Variants in SLIT2 observed in about 807,000 individuals in gnomAD.
SLIT2 encodes the protein slit guidance ligand 2, also known as slit homolog 2 protein.
Under a neutral mutation model 185.7 loss-of-function variants are expected in SLIT2, and 41 were observed. That is an observed-to-expected ratio of 0.22 (90% confidence interval 0.17 to 0.29). The LOEUF (loss-of-function observed/expected upper bound fraction) is 0.29. Among genes scored for constraint, SLIT2 ranks in the 10% least tolerant of loss-of-function variants. The pLI is 1.00. For missense variants in SLIT2, 1,571 were observed against 1,909.0 expected (o/e 0.82, Z 3.30); for synonymous variants, 693 against 680.2 (o/e 1.02, Z -0.29).
At chr4:20,504,635 T>C (rs1248868823) in intron 9 of SLIT2, among the ~76,000 whole-genome samples, 2 of 152,126 alleles carry the variant, frequency 1.3e-5, no homozygotes, top group Non-Finnish European at 2.9e-5. Flanking sequence ...ACTGCTAATT[T>C]GTTTAAAAAC....
At chr4:20,337,634 A>C (rs1325027862) in intron 4 of SLIT2, among the ~76,000 whole-genome samples, 1 of 152,162 alleles carries the variant, frequency 6.6e-6, no homozygotes, top group Admixed American at 6.5e-5. Context: ...CTTGACATTT[A>C]ATTCAATTGT....
chr4:20,585,726 T>C (rs1438767399), intron 29 of SLIT2, among the ~76,000 whole-genome samples: 1 of 152,216 alleles, frequency 6.6e-6, no homozygotes, highest in Non-Finnish European at 1.5e-5. Context: ...TTCCTTTCTG[T>C]CACCTCACAC....
intron 4 of SLIT2, among the ~76,000 whole-genome samples, chr4:20,291,543 T>C (rs1715948797): frequency 7.2e-6 from 1 of 138,388 alleles, no homozygotes; most frequent in Non-Finnish European, 1.5e-5. Flanking sequence ...CTATGTGTAA[T>C]TGCATGGTCC....
At chr4:20,382,797 G>A (rs1724635547) in intron 4 of SLIT2, among the ~76,000 whole-genome samples, 2 of 152,036 alleles carry the variant, frequency 1.3e-5, no homozygotes, top group African/African-American at 2.4e-5. Flanking sequence ...GACAAACTAA[G>A]TATAAAATTG....
chr4:20,515,857 C>G (rs1300097684), intron 11 of SLIT2, among the ~76,000 whole-genome samples: 1 of 152,098 alleles, frequency 6.6e-6, no homozygotes, highest in African/African-American at 2.4e-5. Context: ...GCACTGTCAC[C>G]GAGGCTGGAG....
At chr4:20,617,316 C>T in intron 35 of SLIT2, 118 bp downstream of exon 35, 1 of 1,289,984 alleles carries the variant, frequency 7.8e-7, no homozygotes, top group Non-Finnish European at 1.1e-6. Context: ...AGGGGAGGTT[C>T]GTTAGGCATT....
intron 32 of SLIT2, 23 bp downstream of exon 32, chr4:20,596,678 G>A: frequency 1.3e-6 from 2 of 1,597,190 alleles, no homozygotes; most frequent in East Asian, 4.5e-5. Flanking sequence ...TCTCTATGGA[G>A]AGATGATCGG....
chr4:20,307,007 C>T (rs1717607802), intron 4 of SLIT2, among the ~76,000 whole-genome samples: 1 of 151,974 alleles, frequency 6.6e-6, no homozygotes, highest in Admixed American at 6.5e-5. Context: ...ACAGCATCTA[C>T]TACAGTTTCT....
intron 4 of SLIT2, among the ~76,000 whole-genome samples, chr4:20,352,264 C>T (rs1473221785): frequency 6.6e-6 from 1 of 151,990 alleles, no homozygotes; most frequent in Non-Finnish European, 1.5e-5. Context: ...ACCTGTCACT[C>T]CTGCTGATTG....
rs556777522 is a variant in SLIT2 at position 20,527,379 on chromosome 4, G to C, written c.1463-1570G>C. Among the ~76,000 whole-genome samples, 8 of 151,996 alleles carry C rather than the reference G, an allele frequency of 5.3e-5. No homozygotes were observed. The East Asian group carries it at 1.6e-3, about 30-fold the overall frequency. On this transcript the variant is annotated intron_variant, in intron 15 of 36. Coordinates refer to ENST00000504154, the MANE Select transcript of SLIT2 (RefSeq NM_004787.4). Reference sequence around the variant, plus strand: ...CGGCTCACTGCAAGTTCCGCCTCCCGAGTTCATGCCATTCTCCTGCCTCAG... The same window carrying C: ...CGGCTCACTGCAAGTTCCGCCTCCCCAGTTCATGCCATTCTCCTGCCTCAG...
In SLIT2 at chr4:20,484,684, G is replaced by T. The variant is rs968178559; in HGVS notation, c.540-1516G>T. 6.6e-6 allele frequency among the ~76,000 whole-genome samples: 1 copy of T among 152,068 alleles called. No homozygotes were observed. Among genetic ancestry groups the T allele is most frequent in the African/African-American group, 2.4e-5 (1 of 41,414 alleles). The stretch of plus-strand genomic sequence containing the variant: ...ATTTTGTGTAGCTCAAACATAAGCG[G>T]TCTACAGACTGTTTGAAATGTTTTA... On this transcript the variant is annotated intron_variant, in intron 6 of 36. Transcript: ENST00000504154. This position sits in a 1 kb window ranked among gnomAD's most constrained non-coding sequence, Gnocchi z 4.3.
intron 4 of SLIT2, among the ~76,000 whole-genome samples, chr4:20,359,495 G>A (rs1394777900): frequency 6.6e-6 from 1 of 152,080 alleles, no homozygotes; most frequent in South Asian, 2.1e-4. Flanking sequence ...TGAAAAGATT[G>A]CATTTGTGCC....
intron 4 of SLIT2, among the ~76,000 whole-genome samples, chr4:20,365,516 G>T (rs553876482): frequency 6.6e-6 from 1 of 152,076 alleles, no homozygotes; most frequent in African/African-American, 2.4e-5. Context: ...GGCTGTACCC[G>T]ATTGTTCTGT....
chr4:20,346,248 G>A (rs1214075451), intron 4 of SLIT2, among the ~76,000 whole-genome samples: 2 of 152,002 alleles, frequency 1.3e-5, no homozygotes, highest in Non-Finnish European at 2.9e-5. Flanking sequence ...CGCCTGCCTC[G>A]TGCTCCCAAA....
At position 20,557,868 on chromosome 4, in the gene SLIT2, T is replaced by C. The variant is rs994211909; in HGVS notation, c.2725+3900T>C. On this transcript the variant is annotated intron_variant, in intron 26 of 36. Coordinates refer to ENST00000504154, the MANE Select transcript of SLIT2 (RefSeq NM_004787.4). ...TTAACAGGAGTTTGGAAGAAGTTGA[T>C]TCCAATCTGCATAGATGACTTTGAA... Among the ~76,000 whole-genome samples the C allele has an allele frequency of 3.3e-5, 5 of 152,126 alleles. No homozygotes were observed. In the South Asian group the frequency reaches 1.0e-3, roughly 32 times the overall value.
chr4:20,597,285 C>A (rs543928140), intron 32 of SLIT2, among the ~76,000 whole-genome samples: 22 of 152,164 alleles, frequency 1.4e-4, no homozygotes, highest in African/African-American at 5.3e-4. Flanking sequence ...CCAGGATGGT[C>A]TCGAACTCCT....
chr4:20,332,892 T>A (rs919254309), intron 4 of SLIT2, among the ~76,000 whole-genome samples: 2 of 152,046 alleles, frequency 1.3e-5, no homozygotes, highest in Non-Finnish European at 2.9e-5. Context: ...GAGACATATT[T>A]TAGGGGCAGA....
At chr4:20,529,174 T>G (rs1721564935) in intron 16 of SLIT2, 75 bp downstream of exon 16, 1 of 1,165,652 alleles carries the variant, frequency 8.6e-7, no homozygotes, top group African/African-American at 1.5e-5. Context: ...ATGTTTGTCT[T>G]GCCATTTTTA....
At chr4:20,325,194 G>A (rs1020062456) in intron 4 of SLIT2, among the ~76,000 whole-genome samples, 1 of 151,492 alleles carries the variant, frequency 6.6e-6, no homozygotes, top group South Asian at 2.1e-4. Flanking sequence ...TCAAGCAATG[G>A]TGGAAGATGG....
Sources: allele counts gnomAD v4.1 joint callset (sites outside exome capture counted in the v4.1 genomes callset), GRCh38; gene constraint gnomAD v4.1.1; non-coding constraint Gnocchi (gnomAD v3.1); transcripts MANE v1.5; gene names NCBI Gene and HGNC (gene_info 2026-07-23, HGNC 2026-07-21).